Variants in RIMBP2 observed in about 807,000 individuals in gnomAD.
RIMBP2 encodes the protein RIMS binding protein 2, also known as RIMS-binding protein 2.
In RIMBP2, 48 loss-of-function variants were observed where a neutral mutation model predicts 118.6. The observed-to-expected ratio is 0.40, with a 90% confidence interval of 0.32 to 0.51. The LOEUF is 0.51. RIMBP2 is among the 20% of genes least tolerant of loss of function. The pLI, the probability that RIMBP2 is intolerant of heterozygous loss-of-function variation, is 0.41. For synonymous variants in RIMBP2, 762 were observed against 742.9 expected (o/e 1.03, Z -0.42); for missense variants, 1,551 against 1,768.3 (o/e 0.88, Z 2.20).
chr12:130,686,237 G>A (rs2136607565), intron 1 of RIMBP2, among the ~76,000 whole-genome samples: 1 of 152,334 alleles, frequency 6.6e-6, no homozygotes, highest in Non-Finnish European at 1.5e-5. Flanking sequence ...CTGGAGTCCA[G>A]GATTTCTTCT....
At chr12:130,612,682 G>T (rs1253151807) in intron 2 of RIMBP2, among the ~76,000 whole-genome samples, 1 of 152,220 alleles carries the variant, frequency 6.6e-6, no homozygotes, top group African/African-American at 2.4e-5. Flanking sequence ...ACCTGGAGGA[G>T]CTTGTCAAAC....
chr12:130,488,038 T>C (rs1472548180), intron 4 of RIMBP2, among the ~76,000 whole-genome samples: 1 of 152,230 alleles, frequency 6.6e-6, no homozygotes, highest in African/African-American at 2.4e-5. Flanking sequence ...AACAGGAGTC[T>C]AATTAACATT....
chr12:130,629,036 A>G (rs961207736), intron 1 of RIMBP2, among the ~76,000 whole-genome samples: 2 of 152,236 alleles, frequency 1.3e-5, no homozygotes, highest in South Asian at 2.1e-4. Context: ...AAATTCCTGT[A>G]TATCAGTAGA....
At chr12:130,427,964 C>A (rs1431036822) in intron 15 of RIMBP2, 1 of 454,040 alleles carries the variant, frequency 2.2e-6, no homozygotes, top group Non-Finnish European at 3.8e-6. Context: ...TTCCTCTAAA[C>A]TCCTTTACCC....
intron 7 of RIMBP2, among the ~76,000 whole-genome samples, chr12:130,453,160 C>T (rs534705377): frequency 6.6e-5 from 10 of 152,382 alleles, no homozygotes; most frequent in South Asian, 2.1e-4. Flanking sequence ...GGAGAGGCCA[C>T]GCCTCTCCCC....
rs531745621 is a variant in RIMBP2 at position 130,624,259 on chromosome 12, G to A, written c.-217+4063C>T. 3.9e-5 allele frequency among the ~76,000 whole-genome samples: 6 copies of A among 152,346 alleles called. No homozygotes were observed. In the South Asian group the frequency reaches 1.2e-3, roughly 32 times the overall value. On this transcript the variant is annotated intron_variant, in intron 2 of 22. Transcript: ENST00000690449. ...AATTATAGGACAGAGTTTCACATAT[G>A]TTTGGAAGGTCCAAACTGATGACAG...
intron 6 of RIMBP2, among the ~76,000 whole-genome samples, chr12:130,468,638 G>A (rs2080727832): frequency 6.6e-6 from 1 of 152,208 alleles, no homozygotes. Flanking sequence ...CCTGGCCTGT[G>A]GGAAGGAGCT....
intron 1 of RIMBP2, among the ~76,000 whole-genome samples, chr12:130,684,427 T>C (rs1266008351): frequency 1.3e-5 from 2 of 152,142 alleles, no homozygotes; most frequent in African/African-American, 4.8e-5. Flanking sequence ...TCAGAATAAA[T>C]CTCTTCAAAT....
At chr12:130,452,973 G>A (rs1390705909) in intron 7 of RIMBP2, among the ~76,000 whole-genome samples, 4 of 152,202 alleles carry the variant, frequency 2.6e-5, no homozygotes, top group Non-Finnish European at 2.9e-5. Flanking sequence ...GAAACAAAAC[G>A]TGCAGTGCCT....
At chr12:130,584,763 ACAT>A (rs570836006) in intron 2 of RIMBP2, among the ~76,000 whole-genome samples, 1 of 151,236 alleles carries the variant, frequency 6.6e-6, no homozygotes. Context: ...CATCACCATT[ACAT>A]CATCATCACC....
intron 1 of RIMBP2, among the ~76,000 whole-genome samples, chr12:130,647,367 A>G (rs969699709): frequency 3.3e-5 from 5 of 152,182 alleles, no homozygotes; most frequent in African/African-American, 1.2e-4. Flanking sequence ...TCTCAAAAAA[A>G]CCAACAACAA....
In RIMBP2 at chr12:130,636,149, G is replaced by A. The variant is rs555587542; in HGVS notation, c.-351-7693C>T. ...CCTCTCTCGGCCAGACCTCACACTC[G>A]CTATCCCCCAATGAGGCTGGTCTAT... On this transcript the variant is annotated intron_variant, in intron 1 of 22. Transcript: ENST00000690449. Among the ~76,000 whole-genome samples the A allele has an allele frequency of 4.6e-5, 7 of 152,170 alleles. No individual in the cohort carries two copies. In the East Asian group the frequency reaches 9.7e-4, roughly 21 times the overall value.
chr12:130,571,884 G>A (rs1189988881), intron 2 of RIMBP2, among the ~76,000 whole-genome samples: 1 of 152,108 alleles, frequency 6.6e-6, no homozygotes, highest in African/African-American at 2.4e-5. Context: ...CCTCGGGGCT[G>A]TACATGCTGC....
At chr12:130,709,077 C>T (rs1323702435) in intron 1 of RIMBP2, among the ~76,000 whole-genome samples, 1 of 152,270 alleles carries the variant, frequency 6.6e-6, no homozygotes, top group Non-Finnish European at 1.5e-5. Flanking sequence ...CAGCAACGTG[C>T]CGGCAACAGC....
chr12:130,470,603 T>G, intron 6 of RIMBP2, 90 bp downstream of exon 6: 1 of 729,468 alleles, frequency 1.4e-6, no homozygotes, highest in South Asian at 7.0e-5. Context: ...GCGCACTTCA[T>G]AAACATCATC....
At chr12:130,470,892 A>G (rs2080946588) in intron 5 of RIMBP2, 149 bp from the exon 6 acceptor site, 1 of 450,658 alleles carries the variant, frequency 2.2e-6, no homozygotes, top group Non-Finnish European at 3.6e-6. Flanking sequence ...TCATTATTTA[A>G]CTTTTATTTG....
At chr12:130,612,442 C>T (rs2060615835) in intron 2 of RIMBP2, among the ~76,000 whole-genome samples, 1 of 152,128 alleles carries the variant, frequency 6.6e-6, no homozygotes, top group East Asian at 1.9e-4. Flanking sequence ...TGCGCAAAGC[C>T]CAATCCAGAC....
chr12:130,646,440 T>TCACCACCTCCCTCACCACC lies in RIMBP2; in HGVS notation c.-351-17985_-351-17984insGGTGGTGAGGGAGGTGGTG, dbSNP rs1305504375. On this transcript the variant is annotated intron_variant, in intron 1 of 22. Coordinates refer to ENST00000690449, the MANE Select transcript of RIMBP2 (RefSeq NM_001393629.1). Reference sequence around the variant, plus strand: ...CTCACCACTTCCCTCTCCACCTCCCTTGCCACCTCCCTCGCCACCTCCCTC... The same window carrying TCACCACCTCCCTCACCACC: ...CTCACCACTTCCCTCTCCACCTCCCTCACCACCTCCCTCACCACCTGCCACCTCCCTCGCCACCTCCCTC... Among the ~76,000 whole-genome samples the TCACCACCTCCCTCACCACC allele has an allele frequency of 5.8e-4, 65 of 111,188 alleles. 25 individuals are homozygous for TCACCACCTCCCTCACCACC. The highest frequency in any genetic ancestry group is 1.3e-3 in the East Asian group (5 of 3,950). 72.9% of individuals were successfully genotyped at this position (111,188 alleles called of 152,430 possible).
rs2074141545 is a variant in RIMBP2 at position 130,397,347 on chromosome 12, CG to C, written c.*13del. On this transcript the variant is annotated 3_prime_UTR_variant, in exon 23 of 23. Transcript: ENST00000690449. ...AAATTACATAGATTTGGCAGTTGTC[CG>C]GAAGCACATGAATCATTTCACTGCA... The C allele has an allele frequency of 7.5e-6, 3 of 398,890 alleles. No individual in the cohort carries two copies. Among genetic ancestry groups the C allele is most frequent in the Non-Finnish European group, 8.8e-6 (2 of 226,038 alleles). The allele number at this position is 398,890 out of a possible 1,614,324, so 24.7% of individuals were successfully genotyped here.
Sources: allele counts gnomAD v4.1 joint callset (sites outside exome capture counted in the v4.1 genomes callset), GRCh38; gene constraint gnomAD v4.1.1; transcripts MANE v1.5; gene names NCBI Gene and HGNC (gene_info 2026-07-23, HGNC 2026-07-21).